Variants in IQSEC3 observed in about 807,000 individuals in gnomAD.
The protein encoded by IQSEC3 is IQ motif and SEC7 domain-containing protein 3.
Under a neutral mutation model 105.4 loss-of-function variants are expected in IQSEC3, and 50 were observed. The observed-to-expected ratio is 0.47, with a 90% confidence interval of 0.38 to 0.60. The LOEUF (loss-of-function observed/expected upper bound fraction) is 0.60, where lower values mean the gene tolerates loss of function less well. IQSEC3 is among the 20% of genes least tolerant of loss of function. The pLI is 0.00. For missense variants in IQSEC3, 1,415 were observed against 1,630.0 expected, an observed-to-expected ratio of 0.87 and a Z score of 2.27; for synonymous variants, 708 against 746.0, an observed-to-expected ratio of 0.95 and a Z score of 0.83.
chr12:88,477 A>C (rs1377082685), intron 1 of IQSEC3, among the ~76,000 whole-genome samples: 1 of 152,204 alleles, frequency 6.6e-6, no homozygotes, highest in Non-Finnish European at 1.5e-5. Context: ...GACTAGAAGA[A>C]CGTCAAAGCT....
intron 1 of IQSEC3, among the ~76,000 whole-genome samples, chr12:85,903 T>C (rs1863902067): frequency 6.6e-6 from 1 of 152,190 alleles, no homozygotes; most frequent in Admixed American, 6.5e-5. Flanking sequence ...ATGTTTCATA[T>C]ATGTGCACAC....
chr12:153,572 TC>T (rs1255559065), intron 5 of IQSEC3, among the ~76,000 whole-genome samples: 1 of 152,092 alleles, frequency 6.6e-6, no homozygotes, highest in African/African-American at 2.4e-5. Context: ...TGTCATTTTT[TC>T]CCCCAGGGTC....
intron 7 of IQSEC3, among the ~76,000 whole-genome samples, chr12:160,176 G>T (rs1591742055): frequency 6.7e-6 from 1 of 148,500 alleles, no homozygotes. Flanking sequence ...CCTTTTTTCT[G>T]TTTTTTTTTT....
At chr12:80,395 G>A (rs1863704490) in intron 1 of IQSEC3, among the ~76,000 whole-genome samples, 1 of 152,140 alleles carries the variant, frequency 6.6e-6, no homozygotes, top group African/African-American at 2.4e-5. Flanking sequence ...GCAGTTTCAG[G>A]AAGCCTTCCT....
intron 1 of IQSEC3, among the ~76,000 whole-genome samples, chr12:81,650 A>G (rs1444615170): frequency 6.6e-6 from 1 of 152,154 alleles, no homozygotes; most frequent in Non-Finnish European, 1.5e-5. Flanking sequence ...GGCGTTTGAG[A>G]CAGCTCTTAG....
At chr12:174,425 CT>C (rs1939162699) in intron 13 of IQSEC3, among the ~76,000 whole-genome samples, 173 bp from the exon 14 acceptor site, 1 of 152,160 alleles carries the variant, frequency 6.6e-6, no homozygotes, top group African/African-American at 2.4e-5. Flanking sequence ...TCTCTCCCCC[CT>C]GGGCAAAAGC....
intron 3 of IQSEC3, chr12:137,418 T>TAGGGGAGGAGCGGGG (rs1865810367): frequency 6.6e-6 from 1 of 152,148 alleles, no homozygotes; most frequent in African/African-American, 2.4e-5. Flanking sequence ...TTTCATTGTT[T>TAGGGGAGGAGCGGGG]ATTGTTTTAA....
intron 2 of IQSEC3, among the ~76,000 whole-genome samples, chr12:101,601 C>T (rs1361322029): frequency 3.9e-5 from 6 of 152,120 alleles, no homozygotes; most frequent in African/African-American, 1.2e-4. Context: ...GAGGACTTGC[C>T]CCCTGAGATG....
At chr12:133,103 C>T (rs1162198329) in intron 3 of IQSEC3, among the ~76,000 whole-genome samples, 1 of 152,178 alleles carries the variant, frequency 6.6e-6, no homozygotes, top group Non-Finnish European at 1.5e-5. Flanking sequence ...GGACTGGGTC[C>T]TCAGAGGGAA....
chr12:109,135 T>C (rs1555078832), intron 2 of IQSEC3, among the ~76,000 whole-genome samples: 1 of 152,230 alleles, frequency 6.6e-6, no homozygotes, highest in East Asian at 1.9e-4. Context: ...ATCACCTGTA[T>C]TGGGTTATTA....
At chr12:106,421 A>C (rs1339510608) in intron 2 of IQSEC3, 1 of 152,276 alleles carries the variant, frequency 6.6e-6, no homozygotes. Flanking sequence ...GGGCCTCAAA[A>C]GGCCTGGCCT....
At chr12:164,002 T>A (rs1867050417) in intron 9 of IQSEC3, among the ~76,000 whole-genome samples, 1 of 152,156 alleles carries the variant, frequency 6.6e-6, no homozygotes, top group African/African-American at 2.4e-5. Context: ...GCATGCTCTG[T>A]CCCTGGGCCT....
intron 1 of IQSEC3, among the ~76,000 whole-genome samples, chr12:96,392 AG>A: frequency 6.6e-6 from 1 of 152,336 alleles, no homozygotes; most frequent in Non-Finnish European, 1.5e-5. Flanking sequence ...AGACTTAAAA[AG>A]GTGCGAGACT....
At position 102,487 on chromosome 12, in the gene IQSEC3, C is replaced by G. The variant is rs60338473; in HGVS notation, c.623+3273C>G. Among the ~76,000 whole-genome samples, 1,031 of 152,364 alleles carry G rather than the reference C, an allele frequency of 6.8e-3. 15 individuals are homozygous for G. Among genetic ancestry groups the G allele is most frequent in the African/African-American group, 0.024 (1,000 of 41,572 alleles). The stretch of plus-strand genomic sequence containing the variant: ...TCCCTTTCCTGAGCAAGTGCCTTCA[C>G]TGCAGCACTGCAGTGGCTGCTCATC... On this transcript the variant is annotated intron_variant, in intron 2 of 13. Coordinates refer to ENST00000538872, the MANE Select transcript of IQSEC3 (RefSeq NM_001170738.2).
chr12:118,599 T>C (rs531753739), intron 2 of IQSEC3, among the ~76,000 whole-genome samples: 1 of 150,920 alleles, frequency 6.6e-6, no homozygotes, highest in South Asian at 2.2e-4. Flanking sequence ...ATGCTCCTGG[T>C]AGAGTCTCTA....
chr12:90,550 C>G (rs1393492360), intron 1 of IQSEC3, among the ~76,000 whole-genome samples: 1 of 152,000 alleles, frequency 6.6e-6, no homozygotes, highest in African/African-American at 2.4e-5. Flanking sequence ...ATCTGGATAT[C>G]CAGTTGTTTC....
intron 11 of IQSEC3, 99 bp downstream of exon 11, chr12:165,989 C>A: frequency 7.4e-7 from 1 of 1,356,882 alleles, no homozygotes; most frequent in South Asian, 1.4e-5. Flanking sequence ...GGAGCTGGCC[C>A]CACTTCGGAC....
In IQSEC3 at chr12:138,302, G is replaced by A; in HGVS notation, c.939G>A (p.Leu313=). 6.2e-7 allele frequency: 1 copy of A among 1,613,832 alleles called. No homozygotes were observed. Residue 313 remains leucine (L), a synonymous_variant, in exon 4 of 14, where the codon CTG becomes CTA. Transcript: ENST00000538872. The surrounding 1 kb of genome is among the most constrained non-coding windows in gnomAD (Gnocchi z 7.1). ...EMLEHKYGGH[L]VSRRAACTIQ... is the part of the protein sequence containing the mutation. ...TAGAACATAAGTACGGCGGTCACCT[G>A]GTGTCCCGGCGCGCCGCTTGCACCA...
At chr12:124,286 A>G (rs1456707355) in intron 2 of IQSEC3, among the ~76,000 whole-genome samples, 1 of 151,482 alleles carries the variant, frequency 6.6e-6, no homozygotes, top group Admixed American at 6.6e-5. Flanking sequence ...CCACTCGGGA[A>G]GCTGAGGCAG....
Sources: gnomAD v4.1 joint callset for allele counts (sites outside exome capture counted in the v4.1 genomes callset) on GRCh38, gnomAD v4.1.1 for gene constraint, Gnocchi (gnomAD v3.1) non-coding constraint, MANE v1.5 for transcripts, NCBI Gene and HGNC (gene_info 2026-07-23, HGNC 2026-07-21) for gene names.